TSHZ2: variants seen among roughly 807,000 people sequenced by gnomAD.
The protein encoded by TSHZ2 is teashirt zinc finger homeobox 2.
Under a neutral mutation model 74.4 loss-of-function variants are expected in TSHZ2, and 21 were observed. That is an observed-to-expected ratio of 0.28 (90% CI 0.20 to 0.41). The LOEUF is 0.41. Ranked by LOEUF, TSHZ2 falls within the 10% of genes least tolerant of loss-of-function variation. The probability of loss-of-function intolerance (pLI) is 1.00; values close to 1 mark genes in which losing one functional copy is unlikely to be tolerated. For synonymous variants in TSHZ2, 540 were observed against 515.3 expected (o/e 1.05, Z -0.65); for missense variants, 1,244 against 1,293.5 (o/e 0.96, Z 0.59).
At chr20:53,151,103 A>G (rs1452803239) in intron 1 of TSHZ2, among the ~76,000 whole-genome samples, 1 of 152,226 alleles carries the variant, frequency 6.6e-6, no homozygotes, top group African/African-American at 2.4e-5. Context: ...TCTTGACAGC[A>G]CATTCCTGTT....
intron 2 of TSHZ2, among the ~76,000 whole-genome samples, chr20:53,383,996 G>A (rs1028179675): frequency 4.6e-5 from 7 of 152,086 alleles, no homozygotes; most frequent in South Asian, 4.1e-4. Flanking sequence ...ACCCTCTTCC[G>A]GATGACATGT....
At chr20:53,218,551 C>T (rs1031743298) in intron 1 of TSHZ2, among the ~76,000 whole-genome samples, 4 of 152,134 alleles carry the variant, frequency 2.6e-5, no homozygotes, top group African/African-American at 7.2e-5. Flanking sequence ...TCTATATTCG[C>T]AGATGACGAG....
chr20:53,119,593 A>G (rs1180918917), intron 1 of TSHZ2, among the ~76,000 whole-genome samples: 3 of 152,168 alleles, frequency 2.0e-5, no homozygotes, highest in Admixed American at 1.3e-4. Context: ...TGAAATACAC[A>G]TAGACTATCA....
chr20:53,404,215 T>C (rs1038052800), intron 2 of TSHZ2, among the ~76,000 whole-genome samples: 1 of 152,214 alleles, frequency 6.6e-6, no homozygotes, highest in Admixed American at 6.5e-5. Flanking sequence ...AAATTTAAAA[T>C]GCTTTTATGG....
chr20:53,007,470 A>G (rs532017033), intron 1 of TSHZ2, among the ~76,000 whole-genome samples: 4 of 152,348 alleles, frequency 2.6e-5, no homozygotes, highest in African/African-American at 9.6e-5. Context: ...AAAGTGAAAG[A>G]CAGGAAGAAG....
At chr20:53,440,094 T>C (rs966658337) in intron 2 of TSHZ2, among the ~76,000 whole-genome samples, 1 of 151,786 alleles carries the variant, frequency 6.6e-6, no homozygotes, top group Non-Finnish European at 1.5e-5. Flanking sequence ...CTGGGAACAG[T>C]TGGCCGTCCT....
At chr20:53,234,660 G>C (rs988392036) in intron 1 of TSHZ2, among the ~76,000 whole-genome samples, 3 of 152,154 alleles carry the variant, frequency 2.0e-5, no homozygotes, top group African/African-American at 2.4e-5. Flanking sequence ...AGGAAGTTAG[G>C]AAAAGTGCAG....
chr20:53,316,424 G>A (rs1327114557), intron 2 of TSHZ2, among the ~76,000 whole-genome samples: 2 of 151,938 alleles, frequency 1.3e-5, no homozygotes, highest in African/African-American at 4.8e-5. Context: ...GGAGGGTGGA[G>A]GAATGGAAAA....
chr20:53,279,322 T>C (rs1468815866), intron 2 of TSHZ2, among the ~76,000 whole-genome samples: 3 of 152,238 alleles, frequency 2.0e-5, no homozygotes, highest in African/African-American at 4.8e-5. Context: ...CAGTGAATGG[T>C]AGTGACTATG....
At chr20:53,427,941 C>T (rs907209067) in intron 2 of TSHZ2, among the ~76,000 whole-genome samples, 3 of 152,150 alleles carry the variant, frequency 2.0e-5, no homozygotes, top group Non-Finnish European at 2.9e-5. Flanking sequence ...GGGACATGGG[C>T]GAGATGGGTC....
intron 1 of TSHZ2, among the ~76,000 whole-genome samples, chr20:53,120,987 C>T (rs1986792836): frequency 6.6e-6 from 1 of 152,068 alleles, no homozygotes. Flanking sequence ...TTACAAATGG[C>T]CTCTTTTTTT....
At position 52,972,960 on chromosome 20, in the gene TSHZ2, A is replaced by C. The variant is rs75922189; in HGVS notation, c.-334A>C. On this transcript the variant is annotated 5_prime_UTR_variant, in exon 1 of 3. Coordinates refer to ENST00000371497, the MANE Select transcript of TSHZ2 (RefSeq NM_173485.6). ...TCAACAGTCACCAAAAAAAAAAAAA[A>C]CCGCAAAAACAAAACCAAAAAAATT... The C allele has an allele frequency of 1.5e-5, 5 of 334,216 alleles. No individual in the cohort carries two copies. Among genetic ancestry groups the C allele is most frequent in the Admixed American group, 9.7e-5 (2 of 20,572 alleles). 20.7% of individuals were successfully genotyped at this position (334,216 alleles called of 1,614,324 possible).
chr20:53,245,072 G>A (rs764157576), intron 1 of TSHZ2, among the ~76,000 whole-genome samples: 1 of 152,274 alleles, frequency 6.6e-6, no homozygotes, highest in East Asian at 1.9e-4. Context: ...GATGTACAGT[G>A]GTTGGAAAGT....
At chr20:53,423,415 T>C (rs1983549959) in intron 2 of TSHZ2, among the ~76,000 whole-genome samples, 1 of 151,972 alleles carries the variant, frequency 6.6e-6, no homozygotes, top group Non-Finnish European at 1.5e-5. Context: ...AAGGCTATGA[T>C]ATTTGAACCT....
intron 1 of TSHZ2, among the ~76,000 whole-genome samples, chr20:53,229,958 GAAA>G (rs1442805885): frequency 2.1e-5 from 3 of 146,160 alleles, no homozygotes; most frequent in Non-Finnish European, 4.5e-5. Flanking sequence ...GGAAGAAAGA[GAAA>G]GAAGAAGGAA....
chr20:53,127,930 T>G (rs1986992699), intron 1 of TSHZ2, among the ~76,000 whole-genome samples: 1 of 152,178 alleles, frequency 6.6e-6, no homozygotes, highest in Non-Finnish European at 1.5e-5. Context: ...TCTTTATTCC[T>G]GTTCATGCTA....
At chr20:53,020,003 G>C (rs989001827) in intron 1 of TSHZ2, among the ~76,000 whole-genome samples, 3 of 152,192 alleles carry the variant, frequency 2.0e-5, no homozygotes, top group African/African-American at 7.2e-5. Flanking sequence ...AGATGCAGGG[G>C]AAGCAAGGCA....
chr20:53,310,038 A>G (rs1401439595), intron 2 of TSHZ2, among the ~76,000 whole-genome samples: 1 of 152,214 alleles, frequency 6.6e-6, no homozygotes, highest in African/African-American at 2.4e-5. Flanking sequence ...ACTCTCTCTG[A>G]CCATGGAATG....
At chr20:53,095,404 G>A (rs1326878403) in intron 1 of TSHZ2, among the ~76,000 whole-genome samples, 1 of 152,192 alleles carries the variant, frequency 6.6e-6, no homozygotes, top group Admixed American at 6.5e-5. Flanking sequence ...GTGCTGATAA[G>A]TCACATTTAG....
Sources: allele counts gnomAD v4.1 joint callset (sites outside exome capture counted in the v4.1 genomes callset), GRCh38; gene constraint gnomAD v4.1.1; transcripts MANE v1.5; gene names NCBI Gene and HGNC (gene_info 2026-07-23, HGNC 2026-07-21).